The following PTPRR variants were observed in gnomAD, a reference collection of about 807,000 sequenced individuals.
PTPRR encodes the protein protein tyrosine phosphatase receptor type R.
In PTPRR, 38 loss-of-function variants were observed where a neutral mutation model predicts 77.2. The observed-to-expected ratio is 0.49, with a 90% CI of 0.38 to 0.65. PTPRR has a LOEUF of 0.65. Among genes scored for constraint, PTPRR ranks in the 30% least tolerant of loss-of-function variants. PTPRR has a pLI of 0.00. For synonymous variants in PTPRR, 299 were observed against 283.1 expected (o/e 1.06, Z -0.57); for missense variants, 744 against 799.2 (o/e 0.93, Z 0.83).
intron 2 of PTPRR, among the ~76,000 whole-genome samples, chr12:70,870,326 T>C (rs1435264074): frequency 6.6e-6 from 1 of 152,128 alleles, no homozygotes; most frequent in Non-Finnish European, 1.5e-5. Flanking sequence ...GGAATAATAA[T>C]ATCACACAGA....
intron 6 of PTPRR, among the ~76,000 whole-genome samples, chr12:70,743,920 G>C (rs539865871): frequency 3.3e-5 from 5 of 152,228 alleles, no homozygotes; most frequent in African/African-American, 1.2e-4. Context: ...ACCTTGCTTA[G>C]AATTGGTAGT....
chr12:70,805,085 T>C (rs1891685724), intron 2 of PTPRR, among the ~76,000 whole-genome samples: 1 of 152,148 alleles, frequency 6.6e-6, no homozygotes, highest in African/African-American at 2.4e-5. Context: ...TTCTATGATG[T>C]TATTCTTTTG....
chr12:70,783,981 G>A (rs1891263870), intron 2 of PTPRR, among the ~76,000 whole-genome samples: 1 of 152,118 alleles, frequency 6.6e-6, no homozygotes, highest in Non-Finnish European at 1.5e-5. Flanking sequence ...GATTAGAGCG[G>A]GTGCCCGGAG....
intron 2 of PTPRR, among the ~76,000 whole-genome samples, chr12:70,780,395 G>T (rs1238196359): frequency 6.6e-6 from 1 of 152,114 alleles, no homozygotes; most frequent in Non-Finnish European, 1.5e-5. Flanking sequence ...GGTAATTTGA[G>T]AGTTTTAAAA....
chr12:70,850,217 C>T (rs889824187), intron 2 of PTPRR, among the ~76,000 whole-genome samples: 2 of 151,948 alleles, frequency 1.3e-5, no homozygotes, highest in Non-Finnish European at 2.9e-5. Context: ...CAAAAATTAG[C>T]TGGGTGTGGT....
intron 2 of PTPRR, among the ~76,000 whole-genome samples, chr12:70,821,114 T>C (rs950934943): frequency 4.6e-5 from 7 of 151,042 alleles, no homozygotes; most frequent in African/African-American, 1.5e-4. Context: ...GTTGTCCATA[T>C]AGGACGATGT....
intron 6 of PTPRR, among the ~76,000 whole-genome samples, chr12:70,722,292 A>T (rs757634697): frequency 6.6e-6 from 1 of 152,138 alleles, no homozygotes; most frequent in Non-Finnish European, 1.5e-5. Context: ...TTTTAGGTTT[A>T]TCTAAATCCC....
chr12:70,878,250 G>A (rs1893086732), intron 2 of PTPRR, among the ~76,000 whole-genome samples: 1 of 152,136 alleles, frequency 6.6e-6, no homozygotes, highest in Admixed American at 6.5e-5. Context: ...ATTGACAAAT[G>A]GGATCTAATT....
chr12:70,765,896 G>T (rs1890808793), intron 2 of PTPRR, among the ~76,000 whole-genome samples: 1 of 152,222 alleles, frequency 6.6e-6, no homozygotes, highest in South Asian at 2.1e-4. Context: ...TATTACCCAA[G>T]AAAACAGGGT....
chr12:70,808,680 T>C (rs1891754742), intron 2 of PTPRR, among the ~76,000 whole-genome samples: 1 of 152,150 alleles, frequency 6.6e-6, no homozygotes. Flanking sequence ...AATCTCAAAA[T>C]CTCTTTATAA....
intron 13 of PTPRR, among the ~76,000 whole-genome samples, chr12:70,640,487 TA>T (rs1429093087): frequency 2.6e-5 from 4 of 152,210 alleles, no homozygotes; most frequent in African/African-American, 7.2e-5. Flanking sequence ...TATGATTTTT[TA>T]GCTTGACAAA....
intron 2 of PTPRR, among the ~76,000 whole-genome samples, chr12:70,865,001 G>T (rs1892818140): frequency 6.6e-6 from 1 of 152,034 alleles, no homozygotes; most frequent in South Asian, 2.1e-4. Context: ...TTTTAGTACA[G>T]ACGGGGTTTT....
chr12:70,648,400 C>CA (rs1886277285), intron 13 of PTPRR, among the ~76,000 whole-genome samples: 1 of 152,140 alleles, frequency 6.6e-6, no homozygotes, highest in Non-Finnish European at 1.5e-5. Context: ...TCACTGAATT[C>CA]CAGCATGGAA....
chr12:70,853,632 C>A (rs1291497632), intron 2 of PTPRR, among the ~76,000 whole-genome samples: 1 of 152,126 alleles, frequency 6.6e-6, no homozygotes, highest in Non-Finnish European at 1.5e-5. Flanking sequence ...TATGCTTTTG[C>A]TTCTTGTACC....
chr12:70,732,853 C>T (rs1889710987), intron 6 of PTPRR, among the ~76,000 whole-genome samples: 1 of 151,808 alleles, frequency 6.6e-6, no homozygotes, highest in African/African-American at 2.4e-5. Flanking sequence ...GCCACTATGC[C>T]CGGCGCATCA....
intron 2 of PTPRR, among the ~76,000 whole-genome samples, chr12:70,849,326 A>G (rs1318589264): frequency 6.6e-6 from 1 of 152,174 alleles, no homozygotes; most frequent in African/African-American, 2.4e-5. Flanking sequence ...TGTTAAAGAG[A>G]GTTCTTAAGA....
In PTPRR at chr12:70,717,070, G is replaced by A. The variant is rs573443356; in HGVS notation, c.1008-15747C>T. On this transcript the variant is annotated intron_variant, in intron 6 of 13. Transcript: ENST00000283228. ...ACAGACTTTTAAACAACGGCTACAA[G>A]AATATTCTTTGTTTCTCTAACATAC... Among the ~76,000 whole-genome samples the A allele has an allele frequency of 6.6e-4, 100 of 152,252 alleles. 1 individual carries two copies. The highest frequency in any genetic ancestry group is 2.3e-3 in the African/African-American group (96 of 41,566).
At chr12:70,719,379 C>A (rs1416803517) in intron 6 of PTPRR, among the ~76,000 whole-genome samples, 2 of 152,090 alleles carry the variant, frequency 1.3e-5, no homozygotes, top group Non-Finnish European at 2.9e-5. Context: ...CGGCCCCATC[C>A]TTTCCAGAAG....
At chr12:70,823,116 C>CACACACACACACAA (rs1892049254) in intron 2 of PTPRR, among the ~76,000 whole-genome samples, 1 of 88,972 alleles carries the variant, frequency 1.1e-5, no homozygotes, top group African/African-American at 3.1e-5. Context: ...CTGACACACA[C>CACACACACACACAA]ACACACACAC....
Sources: gnomAD v4.1 joint callset for allele counts (sites outside exome capture counted in the v4.1 genomes callset) on GRCh38, gnomAD v4.1.1 for gene constraint, MANE v1.5 for transcripts, NCBI Gene and HGNC (gene_info 2026-07-23, HGNC 2026-07-21) for gene names.